TTLL4: variants seen among roughly 807,000 people sequenced by gnomAD.
TTLL4 encodes tubulin monoglutamylase TTLL4.
In TTLL4, 85 loss-of-function variants were observed where a neutral mutation model predicts 122.7. The observed-to-expected ratio is 0.69, with a 90% confidence interval of 0.58 to 0.83. The LOEUF (loss-of-function observed/expected upper bound fraction) is 0.83. Among genes scored for constraint, TTLL4 ranks in the 40% least tolerant of loss-of-function variants. TTLL4 has a pLI of 0.00. For missense variants in TTLL4, 1,363 were observed against 1,488.6 expected (o/e 0.92, Z 1.39); for synonymous variants, 553 against 563.0 (o/e 0.98, Z 0.25).
chr2:218,711,450 T>C (rs1470963254), intron 1 of TTLL4, among the ~76,000 whole-genome samples: 1 of 152,206 alleles, frequency 6.6e-6, no homozygotes, highest in Non-Finnish European at 1.5e-5. Flanking sequence ...CACTTCTCCA[T>C]CCTCAGTATC....
chr2:218,732,471 C>T (rs1942407805), intron 2 of TTLL4, among the ~76,000 whole-genome samples: 1 of 152,140 alleles, frequency 6.6e-6, no homozygotes, highest in African/African-American at 2.4e-5. Flanking sequence ...TTCCAGGTGT[C>T]ATCGTAGGAG....
intron 2 of TTLL4, among the ~76,000 whole-genome samples, chr2:218,734,078 A>G (rs1445210517): frequency 2.0e-5 from 3 of 152,178 alleles, no homozygotes; most frequent in Non-Finnish European, 4.4e-5. Context: ...TATGTGTTTC[A>G]TTCTGTTTAA....
chr2:218,749,624 C>T (rs1942962583), intron 14 of TTLL4, among the ~76,000 whole-genome samples: 1 of 152,136 alleles, frequency 6.6e-6, no homozygotes, highest in South Asian at 2.1e-4. Flanking sequence ...TGCACCACCA[C>T]ACCCAGCTAA....
At chr2:218,730,401 G>A (rs1942347199) in intron 2 of TTLL4, among the ~76,000 whole-genome samples, 4 of 150,170 alleles carry the variant, frequency 2.7e-5, no homozygotes, top group African/African-American at 2.5e-5. Context: ...CCAGCTACTC[G>A]GGAGGCTGAG....
chr2:218,752,882 C>T lies in TTLL4; in HGVS notation c.3096C>T (p.Ser1032=), dbSNP rs769599525. Residue 1032 remains serine, a synonymous_variant, in exon 17 of 20, where the codon TCC becomes TCT. Coordinates refer to ENST00000392102, the MANE Select transcript of TTLL4 (RefSeq NM_014640.5). Reference sequence around the variant, plus strand: ...AACGAATTTTTCCTTCTCATATCTCCTCTCGCTATCTCCGCTTTTTTGAGC... The same window carrying T: ...AACGAATTTTTCCTTCTCATATCTCTTCTCGCTATCTCCGCTTTTTTGAGC... ...QFERIFPSHI[S]SRYLRFFEQP... The T allele has an allele frequency of 1.2e-5, 19 of 1,614,190 alleles. 1 individual carries two copies. In the South Asian group the frequency reaches 2.0e-4, roughly 17 times the overall value.
At chr2:218,725,767 G>C (rs2106405847) in intron 1 of TTLL4, among the ~76,000 whole-genome samples, 1 of 152,040 alleles carries the variant, frequency 6.6e-6, no homozygotes, top group South Asian at 2.1e-4. Context: ...TGTTGGCCAG[G>C]CTGGTCTTGA....
intron 16 of TTLL4, among the ~76,000 whole-genome samples, chr2:218,752,066 C>T (rs1361059091): frequency 2.6e-5 from 4 of 152,066 alleles, no homozygotes; most frequent in Admixed American, 6.6e-5. Context: ...CACCACCATA[C>T]CCAGCTAATT....
downstream of TTLL4, among the ~76,000 whole-genome samples, chr2:218,757,085 T>C (rs1378838873): frequency 1.3e-5 from 2 of 152,166 alleles, no homozygotes; most frequent in Admixed American, 6.5e-5. Context: ...CAGTGCAGGG[T>C]TGCGAAGATT....
chr2:218,712,876 C>T (rs1001903186), intron 1 of TTLL4, among the ~76,000 whole-genome samples: 1 of 152,062 alleles, frequency 6.6e-6, no homozygotes, highest in Non-Finnish European at 1.5e-5. Context: ...TTTAAGTTAC[C>T]TCCCAACCCA....
chr2:218,748,136 A>G lies in TTLL4; in HGVS notation c.2410A>G (p.Lys804Glu). 1 of 1,614,102 alleles carries G rather than the reference A, an allele frequency of 6.2e-7. No homozygotes were observed. The highest frequency in any genetic ancestry group is 8.5e-7 in the Non-Finnish European group (1 of 1,180,006). ...GCCTTCCATGAAGAGCCTTGGCAATAAGTTCATGCACCTGACCAACTACAG... is the reference window on the plus strand; with the variant it reads ...GCCTTCCATGAAGAGCCTTGGCAATGAGTTCATGCACCTGACCAACTACAG... The part of the protein sequence containing the change: ...YSPSMKSLGN[K>E]FMHLTNYSVN... The change falls in exon 12 of 20, where the codon AAG becomes GAG. Residue 804 changes from lysine (K) to glutamate (E), a missense_variant. Coordinates refer to ENST00000392102, the MANE Select transcript of TTLL4 (RefSeq NM_014640.5).
In TTLL4 at chr2:218,747,959, C is replaced by T. The variant is rs1942893991; in HGVS notation, c.2379-146C>T. ...TAGCTGTGGTTTTTCAGAACTTTGC[C>T]AGTAGACACACTTCTCAGGCTCTTG... is the stretch of plus-strand genomic sequence containing the variant. On this transcript the variant is annotated intron_variant, in intron 11 of 19. Transcript: ENST00000392102. This position sits in a 1 kb window ranked among gnomAD's most constrained non-coding sequence, Gnocchi z 4.7. 1 of 1,237,288 alleles carries T rather than the reference C, an allele frequency of 8.1e-7. No homozygotes were observed. The highest frequency in any genetic ancestry group is 1.5e-5 in the African/African-American group (1 of 66,546). The allele number at this position is 1,237,288 out of a possible 1,614,324, so 76.6% of individuals were successfully genotyped here. A position where few individuals can be genotyped will look rare whatever the true frequency, so the allele number is the denominator to read the frequency against.
chr2:218,746,932 A>T (rs924042086), intron 8 of TTLL4, 71 bp from the exon 9 acceptor site: 1 of 1,515,632 alleles, frequency 6.6e-7, no homozygotes, highest in Non-Finnish European at 9.0e-7. Flanking sequence ...GAATGGTAGA[A>T]TGAGTCTTGT....
rs1212532842 is a variant in TTLL4, at chr2:218,755,387, A to G, written c.*998A>G. On this transcript the variant is annotated 3_prime_UTR_variant, in exon 20 of 20. Transcript: ENST00000392102. ...TGAACTGATTCTACCTCCCTCCTCT[A>G]GACTCAGTAAACAGTGACTATTCAA... 1 of 152,164 alleles carries G rather than the reference A, an allele frequency of 6.6e-6. No individual in the cohort carries two copies. The highest frequency in any genetic ancestry group is 2.4e-5 in the African/African-American group (1 of 41,414). 9.4% of individuals were successfully genotyped at this position (152,164 alleles called of 1,614,324 possible).
In TTLL4 at chr2:218,747,223, A is replaced by C. The variant is rs376189820; in HGVS notation, c.2166+29A>C. The C allele has an allele frequency of 3.8e-4, 615 of 1,614,014 alleles. No individual in the cohort carries two copies. The highest frequency in any genetic ancestry group is 5.0e-4 in the Non-Finnish European group (593 of 1,180,010). On this transcript the variant is annotated intron_variant, in intron 9 of 19. Transcript: ENST00000392102. The surrounding 1 kb of genome is among the most constrained non-coding windows in gnomAD (Gnocchi z 4.7). Reference sequence around the variant, plus strand: ...AGTGAATCACAGTGGGCAGGAGACTATGGTCTGTGAGTGGGAACAACAGAG... The same window carrying C: ...AGTGAATCACAGTGGGCAGGAGACTCTGGTCTGTGAGTGGGAACAACAGAG...
In TTLL4 at chr2:218,747,833, G is replaced by A. The variant is rs1249139742; in HGVS notation, c.2378+108G>A. On this transcript the variant is annotated intron_variant, in intron 11 of 19. Coordinates refer to ENST00000392102, the MANE Select transcript of TTLL4 (RefSeq NM_014640.5). The surrounding 1 kb of genome is among the most constrained non-coding windows in gnomAD (Gnocchi z 4.7). ...CAGAAAAATAGTTTTTGTTAGCAAG[G>A]GGAAAGGCAGGAAATGGGAAATATG... is the stretch of plus-strand genomic sequence containing the variant. 2.7e-6 allele frequency: 4 copies of A among 1,482,732 alleles called. No homozygotes were observed. The highest frequency in any genetic ancestry group is 3.7e-6 in the Non-Finnish European group (4 of 1,093,302). The allele number at this position is 1,482,732 out of a possible 1,614,324, so 91.8% of individuals were successfully genotyped here.
At chr2:218,758,597 G>A (rs1943191666), downstream of TTLL4, among the ~76,000 whole-genome samples, 1 of 152,178 alleles carries the variant, frequency 6.6e-6, no homozygotes, top group South Asian at 2.1e-4. Context: ...AACTTAGAAA[G>A]ATTAAAGCCC....
chr2:218,745,348 G>A, intron 6 of TTLL4, 115 bp downstream of exon 6: 1 of 1,397,162 alleles, frequency 7.2e-7, no homozygotes, highest in Non-Finnish European at 1.0e-6. Flanking sequence ...TGTTGTGGCA[G>A]TTGTCACACT....
chr2:218,731,664 G>A lies in TTLL4; in HGVS notation c.-99+4317G>A, dbSNP rs939377932. ...ACTGTGCTTTTTGTGTGCTTTATGC[G>A]AATTTTTAAACTTCACCTCCCACAA... On this transcript the variant is annotated intron_variant, in intron 2 of 19. Coordinates refer to ENST00000392102, the MANE Select transcript of TTLL4 (RefSeq NM_014640.5). 2.6e-5 allele frequency among the ~76,000 whole-genome samples: 4 copies of A among 152,254 alleles called. No homozygotes were observed. The South Asian group carries it at 8.3e-4, about 32-fold the overall frequency.
chr2:218,718,186 G>A (rs1392524907), intron 1 of TTLL4, among the ~76,000 whole-genome samples: 2 of 152,130 alleles, frequency 1.3e-5, no homozygotes, highest in African/African-American at 2.4e-5. Context: ...CCTGGTGACC[G>A]AGGGAAACAC....
Sources: allele counts gnomAD v4.1 joint callset (sites outside exome capture counted in the v4.1 genomes callset), GRCh38; gene constraint gnomAD v4.1.1; non-coding constraint Gnocchi (gnomAD v3.1); transcripts MANE v1.5; gene names NCBI Gene and HGNC (gene_info 2026-07-23, HGNC 2026-07-21).